Variants in IL1RAPL2 observed in about 807,000 individuals in gnomAD.
The protein encoded by IL1RAPL2 is interleukin 1 receptor accessory protein like 2, also known as X-linked interleukin-1 receptor accessory protein-like 2.
A neutral mutation model predicts 44.1 loss-of-function variants in IL1RAPL2; 3 were observed. The observed-to-expected ratio is 0.07, with a 90% CI of 0.03 to 0.18. The LOEUF (loss-of-function observed/expected upper bound fraction) is 0.18, where lower values mean the gene tolerates loss of function less well. Among genes scored for constraint, IL1RAPL2 ranks in the 10% least tolerant of loss-of-function variants. The probability of loss-of-function intolerance (pLI) is 1.00; values close to 1 mark genes in which losing one functional copy is unlikely to be tolerated. For synonymous variants in IL1RAPL2, 181 were observed against 178.8 expected (o/e 1.01, Z -0.10); for missense variants, 391 against 496.4 (o/e 0.79, Z 2.02).
chrX:104,653,856 A>G (rs1269698053), intron 1 of IL1RAPL2, among the ~76,000 whole-genome samples: 1 of 110,929 alleles, frequency 9.0e-6, no homozygotes, highest in South Asian at 3.8e-4. Context: ...TCTTCCATTC[A>G]TTATTTCAGT....
chrX:105,594,328 AT>A (rs1230198223), intron 6 of IL1RAPL2, among the ~76,000 whole-genome samples: 2 of 112,046 alleles, frequency 1.8e-5, no homozygotes, highest in African/African-American at 6.5e-5. Flanking sequence ...ATTTATGTAT[AT>A]CTAAATGGCA....
Position 105,740,707 on chromosome X carries a change from A to G in IL1RAPL2, c.1048+16A>G. On this transcript the variant is annotated intron_variant, in intron 8 of 10. Coordinates refer to ENST00000372582, the MANE Select transcript of IL1RAPL2 (RefSeq NM_017416.2). The stretch of plus-strand genomic sequence containing the variant: ...CGTAAAAAGGGTATTTATTTTTATA[A>G]CTATAACTATGGTTTGCTTAGCTAT... 8.4e-7 allele frequency: 1 copy of G among 1,186,881 alleles called. No homozygotes were observed. The highest frequency in any genetic ancestry group is 1.7e-5 in the African/African-American group (1 of 57,325).
chrX:105,432,129 C>CTTTTTTTTTTTTTTTTTTTT (rs386417369), intron 5 of IL1RAPL2, among the ~76,000 whole-genome samples: 1 of 44,834 alleles, frequency 2.2e-5, no homozygotes, highest in African/African-American at 9.2e-5. Context: ...TTCAATTTGC[C>CTTTTTTTTTTTTTTTTTTTT]TTTTTTTTTT....
At chrX:105,368,454 A>G (rs1021403438) in intron 5 of IL1RAPL2, among the ~76,000 whole-genome samples, 1 of 111,896 alleles carries the variant, frequency 8.9e-6, no homozygotes, top group Non-Finnish European at 1.9e-5. Context: ...GACACTGGGT[A>G]TAGTATTGTT....
chrX:104,653,792 C>T (rs1930198604), intron 1 of IL1RAPL2, among the ~76,000 whole-genome samples: 1 of 111,361 alleles, frequency 9.0e-6, no homozygotes, highest in Non-Finnish European at 1.9e-5. Flanking sequence ...AAAATCTTTA[C>T]ATAGAATACT....
chrX:105,513,414 A>T (rs989945838), intron 6 of IL1RAPL2, among the ~76,000 whole-genome samples: 14 of 111,412 alleles, frequency 1.3e-4, no homozygotes, highest in Admixed American at 3.8e-4. Flanking sequence ...ATTTCTCCAC[A>T]TCCTCTCTAG....
At chrX:105,100,308 A>G (rs2032656722) in intron 2 of IL1RAPL2, among the ~76,000 whole-genome samples, 1 of 111,727 alleles carries the variant, frequency 9.0e-6, no homozygotes, top group African/African-American at 3.3e-5. Flanking sequence ...GGATTTTTCC[A>G]TAACTCTAAA....
At chrX:105,419,673 T>C (rs371177650) in intron 5 of IL1RAPL2, among the ~76,000 whole-genome samples, 1 of 112,080 alleles carries the variant, frequency 8.9e-6, no homozygotes, top group African/African-American at 3.2e-5. Context: ...AGCAAATTTG[T>C]ACCAACAATT....
chrX:105,368,354 A>T (rs1307436264), intron 5 of IL1RAPL2, among the ~76,000 whole-genome samples: 1 of 111,720 alleles, frequency 9.0e-6, no homozygotes, highest in Non-Finnish European at 1.9e-5. Flanking sequence ...CCAATTCTGG[A>T]CTTCCTAAGC....
intron 2 of IL1RAPL2, among the ~76,000 whole-genome samples, chrX:104,827,858 A>G (rs192536216): frequency 2.7e-5 from 3 of 111,378 alleles, no homozygotes; most frequent in African/African-American, 6.5e-5. Flanking sequence ...TTGTCTTCAA[A>G]CTTTATTTCA....
At chrX:104,577,934 AG>A (rs1178243036) in intron 1 of IL1RAPL2, among the ~76,000 whole-genome samples, 4 of 111,689 alleles carry the variant, frequency 3.6e-5, no homozygotes, top group African/African-American at 1.3e-4. Context: ...GGAGGCTAGA[AG>A]GGACTCTGTG....
intron 5 of IL1RAPL2, among the ~76,000 whole-genome samples, chrX:105,332,125 T>C (rs1353844466): frequency 9.1e-6 from 1 of 110,282 alleles, no homozygotes; most frequent in African/African-American, 3.3e-5. Flanking sequence ...AATGCAGGTA[T>C]CGCAGACATA....
At chrX:105,680,501 C>A (rs888081066) in intron 6 of IL1RAPL2, among the ~76,000 whole-genome samples, 3 of 111,983 alleles carry the variant, frequency 2.7e-5, no homozygotes, top group African/African-American at 9.7e-5. Context: ...ATTGAATAAG[C>A]ATAATTTTCA....
chrX:104,653,171 A>G (rs192144876), intron 1 of IL1RAPL2, among the ~76,000 whole-genome samples: 1 of 111,630 alleles, frequency 9.0e-6, no homozygotes, highest in Non-Finnish European at 1.9e-5. Context: ...TTGCAAGATT[A>G]TTACATCTTC....
rs34144319 is a variant in IL1RAPL2, at chrX:104,815,834, A to AT, written c.82+156856dup. Among the ~76,000 whole-genome samples the AT allele has an allele frequency of 4.1e-3, 357 of 86,478 alleles. 3 individuals carry two copies. The highest frequency in any genetic ancestry group is 7.0e-3 in the African/African-American group (168 of 24,133). 75.1% of individuals were successfully genotyped at this position (86,478 alleles called of 115,157 possible). Reference sequence around the variant, plus strand: ...TTCTGGGACACATTCCACCCCCCTCATTTTTTTTTTTTTTTTTGGTTCCTA... The same window carrying AT: ...TTCTGGGACACATTCCACCCCCCTCATTTTTTTTTTTTTTTTTTGGTTCCTA... On this transcript the variant is annotated intron_variant, in intron 2 of 10. Transcript: ENST00000372582.
chrX:104,912,932 G>A (rs1924291138), intron 2 of IL1RAPL2, among the ~76,000 whole-genome samples: 1 of 111,760 alleles, frequency 8.9e-6, no homozygotes, highest in African/African-American at 3.3e-5. Context: ...TTATCATCAA[G>A]GATCTTACAA....
chrX:105,119,849 A>G lies in IL1RAPL2; in HGVS notation c.83-75626A>G, dbSNP rs150159067. The stretch of plus-strand genomic sequence containing the variant: ...TATTGTAATGATAATGATGATAACA[A>G]TGACTATAGTAATTAAATTACTATA... On this transcript the variant is annotated intron_variant, in intron 2 of 10. Coordinates refer to ENST00000372582, the MANE Select transcript of IL1RAPL2 (RefSeq NM_017416.2). Among the ~76,000 whole-genome samples, 739 of 111,321 alleles carry G rather than the reference A, an allele frequency of 6.6e-3. 9 individuals carry two copies. The highest frequency in any genetic ancestry group is 0.023 in the African/African-American group (706 of 30,589).
At chrX:104,937,881 A>G (rs999557177) in intron 2 of IL1RAPL2, among the ~76,000 whole-genome samples, 5 of 112,393 alleles carry the variant, frequency 4.4e-5, no homozygotes, top group Non-Finnish European at 9.4e-5. Context: ...ACATCTTTAC[A>G]TTTAGCTGCA....
At chrX:105,749,828 C>T (rs2038581197) in intron 9 of IL1RAPL2, among the ~76,000 whole-genome samples, 1 of 111,600 alleles carries the variant, frequency 9.0e-6, no homozygotes, top group Admixed American at 9.5e-5. Flanking sequence ...CAATCAAAAT[C>T]AATAAGAAAT....
Sources: gnomAD v4.1 joint callset for allele counts (sites outside exome capture counted in the v4.1 genomes callset) on GRCh38, gnomAD v4.1.1 for gene constraint, MANE v1.5 for transcripts, NCBI Gene and HGNC (gene_info 2026-07-23, HGNC 2026-07-21) for gene names.